Variants in KANK1 observed in about 807,000 individuals in gnomAD.
The protein encoded by KANK1 is KN motif and ankyrin repeat domains 1, also known as KN motif and ankyrin repeat domain-containing protein 1.
KANK1 carries 109 observed loss-of-function variants against 106.2 expected under a neutral mutation model. The ratio of observed to expected loss-of-function variants is 1.03; its 90% CI spans 0.88 to 1.20. KANK1 has a LOEUF of 1.20. Among genes scored for constraint, KANK1 ranks in the 50% most tolerant of loss-of-function variants. The pLI is 0.00. For synonymous variants in KANK1, 873 were observed against 652.2 expected (o/e 1.34, Z -5.16); for missense variants, 2,399 against 1,710.7 (o/e 1.40, Z -7.10).
At chr9:691,503 C>A (rs966540295) in intron 2 of KANK1, among the ~76,000 whole-genome samples, 4 of 151,224 alleles carry the variant, frequency 2.6e-5, no homozygotes, top group Non-Finnish European at 4.4e-5. Context: ...TCAAGTGATC[C>A]TCCTGCCTTG....
chr9:576,838 C>T (rs1224848210), intron 1 of KANK1, among the ~76,000 whole-genome samples: 1 of 151,996 alleles, frequency 6.6e-6, no homozygotes. Flanking sequence ...AAATAGATTT[C>T]TATACTATTA....
intron 1 of KANK1, among the ~76,000 whole-genome samples, chr9:664,066 G>A (rs1306987794): frequency 2.6e-5 from 4 of 152,110 alleles, no homozygotes; most frequent in African/African-American, 9.7e-5. Flanking sequence ...AATCATGGGG[G>A]CAGTTACCCT....
chr9:745,075 C>G (rs1338654486), intron 11 of KANK1, 98 bp from the exon 12 acceptor site: 1 of 1,547,158 alleles, frequency 6.5e-7, no homozygotes, highest in South Asian at 1.3e-5. Flanking sequence ...CTCACAGCTG[C>G]TTGTTGCCTG....
At chr9:728,398 G>A (rs769128035) in intron 3 of KANK1, among the ~76,000 whole-genome samples, 27 of 152,076 alleles carry the variant, frequency 1.8e-4, no homozygotes, top group Non-Finnish European at 2.2e-4. Flanking sequence ...GGGTTTCACC[G>A]TGTTGACCAG....
At position 504,701 on chromosome 9, in the gene KANK1, C is replaced by T. The variant is rs1483287386; in HGVS notation, c.-137C>T. On this transcript the variant is annotated 5_prime_UTR_variant, in exon 1 of 12. Transcript: ENST00000382297. ...CTGCGCCCCGCCCTTCCCCGAGCTC[C>T]GGGTCCGCGGCGGAGCGAGCGAGCG... The T allele has an allele frequency of 6.7e-6, 1 of 148,486 alleles. No homozygotes were observed. Among genetic ancestry groups the T allele is most frequent in the African/African-American group, 2.4e-5 (1 of 40,842 alleles). The allele number at this position is 148,486 out of a possible 1,614,324, so 9.2% of individuals were successfully genotyped here. A position where few individuals can be genotyped will look rare whatever the true frequency, so the allele number is the denominator to read the frequency against.
intron 3 of KANK1, among the ~76,000 whole-genome samples, chr9:490,277 G>A (rs1043704769): frequency 1.3e-5 from 2 of 152,154 alleles, no homozygotes; most frequent in Non-Finnish European, 2.9e-5. Flanking sequence ...CAAAAAAGGT[G>A]GGAGGATTGC....
intron 2 of KANK1, chr9:707,213 C>G: frequency 4.1e-6 from 4 of 986,174 alleles, no homozygotes; most frequent in Non-Finnish European, 4.8e-6. Flanking sequence ...TGCGGGGCAG[C>G]GCGGGCTGGC....
intron 1 of KANK1, among the ~76,000 whole-genome samples, chr9:597,712 G>T (rs1185112328): frequency 6.6e-6 from 1 of 151,172 alleles, no homozygotes. Flanking sequence ...TGCCCAGGCT[G>T]GAGTACAGTG....
intron 1 of KANK1, among the ~76,000 whole-genome samples, chr9:546,272 C>G (rs751517096): frequency 3.3e-5 from 5 of 151,846 alleles, no homozygotes; most frequent in Non-Finnish European, 7.4e-5. Context: ...TGGCAATATC[C>G]GAAGAAATTT....
At chr9:547,170 C>T (rs2060983455) in intron 1 of KANK1, 1 of 152,178 alleles carries the variant, frequency 6.6e-6, no homozygotes, top group Non-Finnish European at 1.5e-5. Flanking sequence ...ATGCTGGCTG[C>T]TCATTTGATA....
intron 1 of KANK1, among the ~76,000 whole-genome samples, chr9:543,159 A>G (rs937256991): frequency 6.6e-6 from 1 of 152,200 alleles, no homozygotes; most frequent in Non-Finnish European, 1.5e-5. Context: ...AACCTTAATA[A>G]AAGTGGGAGG....
intron 1 of KANK1, among the ~76,000 whole-genome samples, chr9:600,626 G>C (rs1235217073): frequency 6.6e-6 from 1 of 151,830 alleles, no homozygotes; most frequent in Non-Finnish European, 1.5e-5. Flanking sequence ...ACAACTAGTA[G>C]CACATAAATG....
chr9:722,649 ACCAT>A (rs1458988967), intron 3 of KANK1, among the ~76,000 whole-genome samples: 1 of 152,232 alleles, frequency 6.6e-6, no homozygotes, highest in Admixed American at 6.5e-5. Flanking sequence ...GAGTTTCAAC[ACCAT>A]CCAAAGAACA....
At chr9:627,921 A>G (rs1834737414) in intron 1 of KANK1, among the ~76,000 whole-genome samples, 1 of 151,976 alleles carries the variant, frequency 6.6e-6, no homozygotes, top group Admixed American at 6.6e-5. Flanking sequence ...CTTGATTTAT[A>G]TACAGCCCCC....
In KANK1 at chr9:745,334, T is replaced by G; in HGVS notation, c.*99T>G. ...GAATGTATACGTATTGTGCCTGAGC[T>G]CACCAGCAAACAGAAGCATCAAGCC... On this transcript the variant is annotated 3_prime_UTR_variant, in exon 12 of 12. Coordinates refer to ENST00000382297, the MANE Select transcript of KANK1 (RefSeq NM_015158.5). 2 of 1,475,120 alleles carry G rather than the reference T, an allele frequency of 1.4e-6. No individual in the cohort carries two copies. The allele number at this position is 1,475,120 out of a possible 1,614,324, so 91.4% of individuals were successfully genotyped here.
chr9:578,416 C>T (rs773887080), intron 1 of KANK1, among the ~76,000 whole-genome samples: 1 of 151,594 alleles, frequency 6.6e-6, no homozygotes, highest in Non-Finnish European at 1.5e-5. Context: ...TGACATGGAC[C>T]ACAGACAATT....
intron 2 of KANK1, among the ~76,000 whole-genome samples, chr9:677,324 G>A (rs1164804410): frequency 2.0e-5 from 3 of 152,194 alleles, no homozygotes; most frequent in East Asian, 3.8e-4. Flanking sequence ...CTTTCTGAGG[G>A]ATTGAATGAG....
At chr9:696,560 G>A (rs1317963652) in intron 2 of KANK1, among the ~76,000 whole-genome samples, 3 of 152,132 alleles carry the variant, frequency 2.0e-5, no homozygotes, top group Non-Finnish European at 1.5e-5. Context: ...GTGCTGGGTA[G>A]AGGGGATAGA....
At chr9:687,775 T>A (rs1308982768) in intron 2 of KANK1, among the ~76,000 whole-genome samples, 2 of 152,220 alleles carry the variant, frequency 1.3e-5, no homozygotes, top group Non-Finnish European at 2.9e-5. Flanking sequence ...CTTTATTCCT[T>A]TTATTCTGTT....
Sources: gnomAD v4.1 joint callset for allele counts (sites outside exome capture counted in the v4.1 genomes callset) on GRCh38, gnomAD v4.1.1 for gene constraint, MANE v1.5 for transcripts, NCBI Gene and HGNC (gene_info 2026-07-23, HGNC 2026-07-21) for gene names.